The following WDR27 variants were observed in gnomAD, a reference collection of about 807,000 sequenced individuals.
WDR27 encodes WD repeat-containing protein 27.
A neutral mutation model predicts 114.4 loss-of-function variants in WDR27; 100 were observed. The ratio of observed to expected loss-of-function variants is 0.87; its 90% CI spans 0.74 to 1.03. The LOEUF (loss-of-function observed/expected upper bound fraction) is 1.03, where lower values mean the gene tolerates loss of function less well. Ranked by LOEUF, WDR27 falls within the 50% of genes least tolerant of loss-of-function variation. WDR27 has a pLI of 0.00. For missense variants in WDR27, 1,129 were observed against 1,092.9 expected, an observed-to-expected ratio of 1.03 and a Z score of -0.47; for synonymous variants, 449 against 423.1, an observed-to-expected ratio of 1.06 and a Z score of -0.75.
Position 169,457,412 on chromosome 6 carries a change from ACT to A in WDR27, c.*178_*179del. Reference sequence around the variant, plus strand: ...CTTTTGAGGAGCAGAAAGACATAAAACTCTGACATGGCACACACAGAGGGGAG... The same window carrying A: ...CTTTTGAGGAGCAGAAAGACATAAAACTGACATGGCACACACAGAGGGGAG... On this transcript the variant is annotated 3_prime_UTR_variant, in exon 26 of 26. Transcript: ENST00000448612. 2.0e-6 allele frequency: 1 copy of A among 506,174 alleles called. No homozygotes were observed. The highest frequency in any genetic ancestry group is 3.3e-5 in the East Asian group (1 of 30,564). 31.4% of individuals were successfully genotyped at this position (506,174 alleles called of 1,614,324 possible).
At chr6:169,448,390 C>A in the WDR27 span, among the ~76,000 whole-genome samples, 1 of 80,278 alleles carries the variant, frequency 1.2e-5, no homozygotes, top group African/African-American at 5.2e-5. Context: ...GTCTCTGTCT[C>A]TATGTGTGTG....
At chr6:169,531,506 C>T (rs1206103664) in intron 25 of WDR27, among the ~76,000 whole-genome samples, 1 of 152,178 alleles carries the variant, frequency 6.6e-6, no homozygotes, top group East Asian at 1.9e-4. Flanking sequence ...CAGACTCCTG[C>T]AGAATAGAGC....
Position 169,658,272 on chromosome 6 carries a change from T to C in WDR27, c.1402+4A>G, listed in dbSNP as rs762332402. The C allele has an allele frequency of 1.3e-6, 2 of 1,595,426 alleles. No individual in the cohort carries two copies. The highest frequency in any genetic ancestry group is 3.5e-5 in the Admixed American group (2 of 57,706). On this transcript the variant is annotated splice_donor_region_variant and intron_variant, in intron 13 of 25. Coordinates refer to ENST00000448612, the MANE Select transcript of WDR27 (RefSeq NM_182552.5). The stretch of plus-strand genomic sequence containing the variant: ...TCTTAGATCTCACAGCACCCTGTAC[T>C]GACCACGTCGCTGTTCACTAGCAGC...
chr6:169,612,246 C>T (rs1301740098), intron 22 of WDR27, among the ~76,000 whole-genome samples: 3 of 150,992 alleles, frequency 2.0e-5, no homozygotes, highest in Non-Finnish European at 4.4e-5. Context: ...GGTGAGACCC[C>T]ATCTCTACTA....
Position 169,557,070 on chromosome 6 carries a change from T to C in WDR27, c.2645+15349A>G, listed in dbSNP as rs545876530. On this transcript the variant is annotated intron_variant, in intron 25 of 25. Transcript: ENST00000448612. The stretch of plus-strand genomic sequence containing the variant: ...GTCTCTCGCAAGAGAAACGAGAACA[T>C]GTGTTCACACAAACAGCTGTACAAG... Among the ~76,000 whole-genome samples the C allele has an allele frequency of 7.2e-5, 11 of 152,280 alleles. No individual in the cohort carries two copies. The East Asian group carries it at 2.1e-3, about 29-fold the overall frequency.
intron 10 of WDR27, among the ~76,000 whole-genome samples, chr6:169,660,055 G>A (rs931829118): frequency 6.6e-6 from 1 of 151,338 alleles, no homozygotes; most frequent in Non-Finnish European, 1.5e-5. Flanking sequence ...GGAGGCCGCC[G>A]AGGAGGCCCT....
Position 169,582,900 on chromosome 6 carries a change from G to A in WDR27, c.2459C>T (p.Ser820Phe). ...GTCTGTGTGCCCAGCCAGCCGGTGA[G>A]AAAACGTGCTTGAGCCCATTTCATA... ...YVYEMGSSTF[S>F]HRLAGHTDTV... The change falls in exon 24 of 26, where the codon TCT (serine) becomes TTT (phenylalanine). Residue 820 changes from serine (S) to phenylalanine (F), a missense_variant. Physicochemically the swap from Ser to Phe is radical, Grantham distance 155. Transcript: ENST00000448612. 6.2e-7 allele frequency: 1 copy of A among 1,613,966 alleles called. No homozygotes were observed. The highest frequency in any genetic ancestry group is 8.5e-7 in the Non-Finnish European group (1 of 1,179,886).
intron 25 of WDR27, among the ~76,000 whole-genome samples, chr6:169,488,512 C>T (rs1789251968): frequency 6.6e-6 from 1 of 152,190 alleles, no homozygotes; most frequent in Non-Finnish European, 1.5e-5. Context: ...GTGTCAGAAG[C>T]ACCTGGCTAC....
intron 2 of WDR27, among the ~76,000 whole-genome samples, chr6:169,686,555 G>T (rs986928378): frequency 7.9e-5 from 12 of 152,094 alleles, no homozygotes; most frequent in African/African-American, 2.9e-4. Context: ...GTCTTAAAGT[G>T]AAGGGATGGA....
At chr6:169,486,560 C>T (rs548944425) in intron 25 of WDR27, among the ~76,000 whole-genome samples, 19 of 152,236 alleles carry the variant, frequency 1.2e-4, no homozygotes, top group Non-Finnish European at 2.2e-4. Flanking sequence ...GGCGCGATCT[C>T]GGCTCACTGC....
chr6:169,668,669 G>C (rs1206102568), intron 4 of WDR27: 1 of 155,888 alleles, frequency 6.4e-6, no homozygotes, highest in African/African-American at 2.4e-5. Context: ...GAATGGAGTA[G>C]TGAGAGCATC....
intron 25 of WDR27, among the ~76,000 whole-genome samples, chr6:169,544,645 A>C (rs1797234687): frequency 6.6e-6 from 1 of 152,044 alleles, no homozygotes; most frequent in Non-Finnish European, 1.5e-5. Flanking sequence ...ATGTTGGCCG[A>C]GCTGGTCTCA....
the WDR27 span, among the ~76,000 whole-genome samples, chr6:169,428,818 C>G: frequency 6.6e-6 from 1 of 152,186 alleles, no homozygotes; most frequent in Non-Finnish European, 1.5e-5. Context: ...CTGGACTAGC[C>G]TCTTCCTTTC....
chr6:169,658,977 G>A lies in WDR27; in HGVS notation c.1319+109C>T, dbSNP rs1297692111. 2.1e-5 allele frequency: 29 copies of A among 1,405,242 alleles called. No individual in the cohort carries two copies. The South Asian group carries it at 2.3e-4, about 11-fold the overall frequency. The allele number at this position is 1,405,242 out of a possible 1,614,324, so 87.0% of individuals were successfully genotyped here. ...GCTGGGATTATAGGCGTGAGCCACC[G>A]CGCCCGGCCAGAGCTCAGAGTTTTC... On this transcript the variant is annotated intron_variant, in intron 12 of 25. Coordinates refer to ENST00000448612, the MANE Select transcript of WDR27 (RefSeq NM_182552.5).
chr6:169,552,972 C>CGG (rs1335158409), intron 25 of WDR27, among the ~76,000 whole-genome samples: 3 of 75,132 alleles, frequency 4.0e-5, no homozygotes, highest in African/African-American at 1.4e-4. Context: ...AGGGCCTGCC[C>CGG]GGTGTGTGTG....
intron 2 of WDR27, 124 bp downstream of exon 2, chr6:169,688,693 C>T (rs1224788465): frequency 4.0e-6 from 2 of 497,732 alleles, no homozygotes; most frequent in African/African-American, 4.0e-5. Flanking sequence ...ATGTTTTTAT[C>T]AATATTTTTC....
chr6:169,481,605 C>A (rs1420846736), intron 25 of WDR27, among the ~76,000 whole-genome samples: 2 of 152,208 alleles, frequency 1.3e-5, no homozygotes, highest in Non-Finnish European at 2.9e-5. Flanking sequence ...CATGAACCAA[C>A]TAGAAGGAAC....
rs1286448571 is a variant in WDR27, at chr6:169,601,201, C to G, written c.2424+1018G>C. On this transcript the variant is annotated intron_variant, in intron 23 of 25. Coordinates refer to ENST00000448612, the MANE Select transcript of WDR27 (RefSeq NM_182552.5). ...GAATTTTCAACCCAGAATTTCATAT[C>G]CAGCCAAACTAAGCTTCGTAAGTGA... Among the ~76,000 whole-genome samples, 7 of 152,286 alleles carry G rather than the reference C, an allele frequency of 4.6e-5. 1 individual carries two copies. In the South Asian group the frequency reaches 1.2e-3, roughly 27 times the overall value.
chr6:169,563,747 A>G (rs1378650463), intron 25 of WDR27, among the ~76,000 whole-genome samples: 1 of 152,228 alleles, frequency 6.6e-6, no homozygotes, highest in Non-Finnish European at 1.5e-5. Context: ...TTTACTTTCC[A>G]AATTCAGAGT....
Sources: gnomAD v4.1 joint callset for allele counts (sites outside exome capture counted in the v4.1 genomes callset) on GRCh38, gnomAD v4.1.1 for gene constraint, MANE v1.5 for transcripts, NCBI Gene and HGNC (gene_info 2026-07-23, HGNC 2026-07-21) for gene names.